MMP26: variants seen among roughly 807,000 people sequenced by gnomAD.
MMP26 encodes the protein matrix metalloproteinase-26.
In MMP26, 33 loss-of-function variants were observed where a neutral mutation model predicts 31.0. The ratio of observed to expected loss-of-function variants is 1.06; its 90% confidence interval spans 0.81 to 1.42. The LOEUF is 1.42. Ranked by LOEUF, MMP26 falls within the 40% of genes most tolerant of loss-of-function variation. The probability of loss-of-function intolerance (pLI) is 0.00; values close to 1 mark genes in which losing one functional copy is unlikely to be tolerated. For missense variants in MMP26, 347 were observed against 316.1 expected (o/e 1.10, Z -0.74); for synonymous variants, 122 against 114.9 (o/e 1.06, Z -0.40).
intron 2 of MMP26, among the ~76,000 whole-genome samples, chr11:4,881,120 T>C (rs1850455328): frequency 6.6e-6 from 1 of 152,164 alleles, no homozygotes; most frequent in Non-Finnish European, 1.5e-5. Context: ...TTGATAAATT[T>C]AGGCACTGAA....
At chr11:4,833,940 C>T (rs1271694986) in intron 2 of MMP26, among the ~76,000 whole-genome samples, 2 of 152,086 alleles carry the variant, frequency 1.3e-5, no homozygotes, top group East Asian at 3.8e-4. Context: ...ACAAGAGTTA[C>T]GAATTATTCA....
At chr11:4,932,476 G>A (rs1851364119) in intron 2 of MMP26, among the ~76,000 whole-genome samples, 1 of 152,114 alleles carries the variant, frequency 6.6e-6, no homozygotes. Context: ...CTAACATGCT[G>A]ATAGAAGCCT....
chr11:4,802,938 A>G (rs2133453311), intron 2 of MMP26, among the ~76,000 whole-genome samples: 1 of 152,276 alleles, frequency 6.6e-6, no homozygotes, highest in African/African-American at 2.4e-5. Flanking sequence ...TATTTGAATC[A>G]TTTTATATTT....
intron 2 of MMP26, among the ~76,000 whole-genome samples, chr11:4,967,934 C>A (rs951398420): frequency 2.6e-5 from 4 of 152,030 alleles, no homozygotes; most frequent in African/African-American, 9.7e-5. Context: ...AAAGGGGATT[C>A]TTTTATTCAG....
At chr11:4,707,957 T>G (rs1847803689) in intron 1 of MMP26, among the ~76,000 whole-genome samples, 3 of 152,208 alleles carry the variant, frequency 2.0e-5, no homozygotes, top group Admixed American at 6.5e-5. Context: ...TTCTGGTCTT[T>G]TCTTTAAATA....
At chr11:4,912,862 T>G (rs1851011868) in intron 2 of MMP26, 1 of 152,146 alleles carries the variant, frequency 6.6e-6, no homozygotes, top group African/African-American at 2.4e-5. Flanking sequence ...TTAGATTAAC[T>G]TACGTCTCAC....
intron 1 of MMP26, among the ~76,000 whole-genome samples, chr11:4,725,417 C>T (rs1848086303): frequency 6.6e-6 from 1 of 152,156 alleles, no homozygotes; most frequent in Non-Finnish European, 1.5e-5. Flanking sequence ...TTTACATACC[C>T]TAATGGTGAG....
intron 2 of MMP26, chr11:4,848,952 A>C (rs958191101): frequency 1.9e-6 from 3 of 1,614,026 alleles, no homozygotes; most frequent in African/African-American, 1.3e-5. Context: ...CAGTGTGGGC[A>C]TCAGGGCAGT....
At chr11:4,950,863 A>G (rs4614446) in intron 2 of MMP26, among the ~76,000 whole-genome samples, 89,010 of 120,884 alleles carry the variant, frequency 0.74, 38,662 homozygotes, top group Middle Eastern at 0.88. Context: ...GCTAACATCA[A>G]AAAGAATAAC....
At chr11:4,991,255 T>C in intron 5 of MMP26, 116 bp from the exon 6 acceptor site, 1 of 1,280,876 alleles carries the variant, frequency 7.8e-7, no homozygotes, top group East Asian at 2.4e-5. Context: ...CTCTCTCACA[T>C]CCCCCAGTGG....
intron 2 of MMP26, chr11:4,877,920 T>A (rs767639561): frequency 3.3e-5 from 5 of 152,196 alleles, no homozygotes; most frequent in Non-Finnish European, 4.4e-5. Flanking sequence ...CTTTGGTATA[T>A]CGTTTTACAA....
At chr11:4,914,605 T>C in intron 2 of MMP26, 1 of 728,896 alleles carries the variant, frequency 1.4e-6, no homozygotes, top group Non-Finnish European at 2.3e-6. Flanking sequence ...CTCATCCCTG[T>C]ACATGTTTGT....
At chr11:4,910,851 T>C (rs1311906588) in intron 2 of MMP26, among the ~76,000 whole-genome samples, 6 of 152,108 alleles carry the variant, frequency 3.9e-5, no homozygotes, top group Non-Finnish European at 8.8e-5. Flanking sequence ...AAACTGCTCA[T>C]TACCTAAGCT....
At chr11:4,807,217 T>C (rs929008032) in intron 2 of MMP26, among the ~76,000 whole-genome samples, 9 of 152,242 alleles carry the variant, frequency 5.9e-5, no homozygotes, top group Admixed American at 5.2e-4. Flanking sequence ...GGTCAAATGG[T>C]ATTTCTAGTT....
chr11:4,760,878 TG>T (rs1241688268), intron 1 of MMP26, among the ~76,000 whole-genome samples: 1 of 152,218 alleles, frequency 6.6e-6, no homozygotes, highest in African/African-American at 2.4e-5. Context: ...AGTGAGTGTG[TG>T]CCAGTGACTG....
intron 2 of MMP26, among the ~76,000 whole-genome samples, chr11:4,855,989 G>A (rs1275332030): frequency 1.3e-5 from 2 of 152,062 alleles, no homozygotes; most frequent in African/African-American, 4.8e-5. Context: ...ATAAGTGAAG[G>A]AGAAATAAAA....
At chr11:4,732,339 T>C (rs1848184057) in intron 1 of MMP26, among the ~76,000 whole-genome samples, 1 of 152,152 alleles carries the variant, frequency 6.6e-6, no homozygotes, top group Non-Finnish European at 1.5e-5. Flanking sequence ...CTTATTTTTA[T>C]AGGCTAGGAA....
At chr11:4,845,877 T>C (rs962308333) in intron 2 of MMP26, among the ~76,000 whole-genome samples, 1 of 152,142 alleles carries the variant, frequency 6.6e-6, no homozygotes, top group East Asian at 1.9e-4. Context: ...GAAACTCAAA[T>C]CAAAGCTATC....
At chr11:4,801,823 A>ACCAC (rs1318346651) in intron 2 of MMP26, among the ~76,000 whole-genome samples, 1 of 151,960 alleles carries the variant, frequency 6.6e-6, no homozygotes, top group Non-Finnish European at 1.5e-5. Flanking sequence ...ACAGGTGTGA[A>ACCAC]CCACCGAGCC....
Sources: allele counts gnomAD v4.1 joint callset (sites outside exome capture counted in the v4.1 genomes callset), GRCh38; gene constraint gnomAD v4.1.1; transcripts MANE v1.5; gene names NCBI Gene and HGNC (gene_info 2026-07-23, HGNC 2026-07-21).